The following DOCK4 variants were observed in gnomAD, a reference collection of about 807,000 sequenced individuals.
DOCK4 encodes the protein dedicator of cytokinesis 4.
A neutral mutation model predicts 268.1 loss-of-function variants in DOCK4; 97 were observed. The ratio of observed to expected loss-of-function variants is 0.36; its 90% CI spans 0.31 to 0.43. The LOEUF is 0.43. DOCK4 is among the 20% of genes least tolerant of loss of function. DOCK4 has a pLI of 1.00. For synonymous variants in DOCK4, 954 were observed against 887.2 expected, an observed-to-expected ratio of 1.08 and a Z score of -1.34; for missense variants, 2,145 against 2,455.7, an observed-to-expected ratio of 0.87 and a Z score of 2.67.
chr7:111,954,486 T>C (rs532993343), intron 8 of DOCK4, among the ~76,000 whole-genome samples: 53 of 152,220 alleles, frequency 3.5e-4, no homozygotes, highest in African/African-American at 1.3e-3. Flanking sequence ...GGTTCCCAAC[T>C]GAAAGATTCT....
At chr7:112,143,286 G>A (rs1815107386) in intron 1 of DOCK4, among the ~76,000 whole-genome samples, 1 of 151,972 alleles carries the variant, frequency 6.6e-6, no homozygotes, top group Non-Finnish European at 1.5e-5. Flanking sequence ...CTAGCTCCAG[G>A]GCCCTCCATC....
At chr7:111,997,568 G>A (rs535130550) in intron 4 of DOCK4, among the ~76,000 whole-genome samples, 8 of 152,234 alleles carry the variant, frequency 5.3e-5, no homozygotes, top group East Asian at 1.9e-4. Context: ...GAATAGCCTC[G>A]TTGGAACTTT....
intron 1 of DOCK4, among the ~76,000 whole-genome samples, chr7:112,169,237 T>G (rs925158579): frequency 1.3e-5 from 2 of 152,216 alleles, no homozygotes; most frequent in East Asian, 3.9e-4. Context: ...TCCCCAGCCA[T>G]GCTTCTAGTA....
At position 111,753,544 on chromosome 7, in the gene DOCK4, T is replaced by G. The variant is rs1028170914; in HGVS notation, c.4416+1971A>C. Among the ~76,000 whole-genome samples the G allele has an allele frequency of 4.6e-5, 7 of 152,318 alleles. No individual in the cohort carries two copies. In the South Asian group the frequency reaches 6.2e-4, roughly 14 times the overall value. ...ACATTCACACTAAGTGAAATAAAGT[T>G]AATAAATGGACTTGCATTAGAAAAG... On this transcript the variant is annotated intron_variant, in intron 42 of 52. Coordinates refer to ENST00000428084, the MANE Select transcript of DOCK4 (RefSeq NM_001363540.2).
intron 15 of DOCK4, among the ~76,000 whole-genome samples, chr7:111,898,647 A>G (rs1790871749): frequency 6.6e-6 from 1 of 152,246 alleles, no homozygotes; most frequent in Non-Finnish European, 1.5e-5. Context: ...GTTTTTGAAT[A>G]AATATATGAA....
At chr7:111,741,980 G>C (rs1795949227) in intron 45 of DOCK4, 33 bp downstream of exon 45, 1 of 1,528,144 alleles carries the variant, frequency 6.5e-7, no homozygotes, top group African/African-American at 1.4e-5. Flanking sequence ...CAGTGATCAG[G>C]CTGCCCCGCC....
rs117403225 is a variant in DOCK4, at chr7:112,202,266, C to A, written c.37+3836G>T. Among the ~76,000 whole-genome samples the A allele has an allele frequency of 8.4e-3, 1,279 of 152,318 alleles. 10 individuals are homozygous for A. The highest frequency in any genetic ancestry group is 0.013 in the Non-Finnish European group (897 of 68,028). ...TTTAGTTCATTGAAGGTCCTCCATG[C>A]TGTTTTACATAACAGCTGTATTAAT... On this transcript the variant is annotated intron_variant, in intron 1 of 52. Transcript: ENST00000428084.
intron 40 of DOCK4, 115 bp downstream of exon 40, chr7:111,760,066 A>G (rs1797279655): frequency 1.6e-6 from 2 of 1,265,222 alleles, no homozygotes; most frequent in African/African-American, 3.0e-5. Flanking sequence ...AAGAGGGAGC[A>G]GTAACGATGT....
chr7:112,159,465 T>C (rs1036630837), intron 1 of DOCK4, among the ~76,000 whole-genome samples: 5 of 152,208 alleles, frequency 3.3e-5, no homozygotes, highest in African/African-American at 1.2e-4. Flanking sequence ...GATTCCATCC[T>C]GAGTTTCTAA....
At chr7:111,987,078 C>T (rs1562963945) in intron 6 of DOCK4, among the ~76,000 whole-genome samples, 1 of 151,808 alleles carries the variant, frequency 6.6e-6, no homozygotes, top group Non-Finnish European at 1.5e-5. Context: ...TTAAAATAAA[C>T]AGTCAAAGAA....
In DOCK4 at chr7:111,741,532, T is replaced by C; in HGVS notation, c.4919+8A>G. Reference sequence around the variant, plus strand: ...CCAAATTGTAAGATAATTTGGAATATGACTTACCTGCGTCTAGGAATTACC... The same window carrying C: ...CCAAATTGTAAGATAATTTGGAATACGACTTACCTGCGTCTAGGAATTACC... On this transcript the variant is annotated splice_region_variant and intron_variant, in intron 46 of 52. Transcript: ENST00000428084. 1 of 1,612,078 alleles carries C rather than the reference T, an allele frequency of 6.2e-7. No individual in the cohort carries two copies. Among genetic ancestry groups the C allele is most frequent in the South Asian group, 1.1e-5 (1 of 90,480 alleles).
chr7:111,769,319 A>G (rs1158783915), intron 37 of DOCK4, among the ~76,000 whole-genome samples: 4 of 152,204 alleles, frequency 2.6e-5, no homozygotes, highest in Non-Finnish European at 5.9e-5. Flanking sequence ...ACGAATCAGA[A>G]TGGCTCATTC....
intron 1 of DOCK4, among the ~76,000 whole-genome samples, chr7:112,116,064 C>T (rs971914873): frequency 6.6e-6 from 1 of 152,094 alleles, no homozygotes; most frequent in South Asian, 2.1e-4. Context: ...ACACTAAGTA[C>T]ATTCACAAGG....
intron 12 of DOCK4, among the ~76,000 whole-genome samples, chr7:111,918,511 T>C (rs1792811897): frequency 6.6e-6 from 1 of 152,198 alleles, no homozygotes; most frequent in Non-Finnish European, 1.5e-5. Context: ...ACACTTTATG[T>C]GATACTAGTA....
intron 11 of DOCK4, among the ~76,000 whole-genome samples, chr7:111,936,209 G>A (rs1249702853): frequency 6.6e-6 from 1 of 152,146 alleles, no homozygotes; most frequent in East Asian, 1.9e-4. Flanking sequence ...CATTAACACA[G>A]CTTGTACTGG....
At chr7:112,059,361 C>T (rs1806162512) in intron 1 of DOCK4, among the ~76,000 whole-genome samples, 1 of 151,972 alleles carries the variant, frequency 6.6e-6, no homozygotes, top group African/African-American at 2.4e-5. Context: ...CCAAGCTGGC[C>T]TTGAACTCCT....
rs533578508 is a variant in DOCK4 at position 112,134,495 on chromosome 7, G to A, written c.37+71607C>T. Among the ~76,000 whole-genome samples, 8 of 152,292 alleles carry A rather than the reference G, an allele frequency of 5.3e-5. No individual in the cohort carries two copies. In the East Asian group the frequency reaches 9.6e-4, roughly 18 times the overall value. Reference sequence around the variant, plus strand: ...AGCACTTTGGGAGGCCAAGGCGGGCGGAACACAAGGTCAGGAGATCGAGAC... The same window carrying A: ...AGCACTTTGGGAGGCCAAGGCGGGCAGAACACAAGGTCAGGAGATCGAGAC... On this transcript the variant is annotated intron_variant, in intron 1 of 52. Transcript: ENST00000428084.
chr7:111,730,095 C>G (rs533085426), intron 52 of DOCK4, among the ~76,000 whole-genome samples: 8 of 152,140 alleles, frequency 5.3e-5, no homozygotes, highest in South Asian at 4.1e-4. Context: ...GGACTACACC[C>G]GGCCTCCTTC....
In DOCK4 at chr7:112,165,066, T is replaced by A. The variant is rs1290235530; in HGVS notation, c.37+41036A>T. On this transcript the variant is annotated intron_variant, in intron 1 of 52. Transcript: ENST00000428084. ...TAGAAGGAAAAAATTGCCCACTACA[T>A]GTGTACAAAGTTAACTTCTTTAAAA... Among the ~76,000 whole-genome samples, 3 of 152,194 alleles carry A rather than the reference T, an allele frequency of 2.0e-5. No individual in the cohort carries two copies. In the East Asian group the frequency reaches 5.8e-4, roughly 29 times the overall value.
Sources: allele counts gnomAD v4.1 joint callset (sites outside exome capture counted in the v4.1 genomes callset), GRCh38; gene constraint gnomAD v4.1.1; transcripts MANE v1.5; gene names NCBI Gene and HGNC (gene_info 2026-07-23, HGNC 2026-07-21).